Variants in NRIP1 observed in about 807,000 individuals in gnomAD.
The protein encoded by NRIP1 is nuclear receptor-interacting protein 1.
In NRIP1, 28 loss-of-function variants were observed where a neutral mutation model predicts 75.0. That is an observed-to-expected ratio of 0.37 (90% CI 0.28 to 0.51). NRIP1 has a LOEUF of 0.51. Ranked by LOEUF, NRIP1 falls within the 20% of genes least tolerant of loss-of-function variation. The pLI is 0.92. For synonymous variants in NRIP1, 526 were observed against 487.6 expected (o/e 1.08, Z -1.04); for missense variants, 1,435 against 1,343.7 (o/e 1.07, Z -1.06).
intron 3 of NRIP1, chr21:14,992,498 A>T (rs1026465310): frequency 6.6e-6 from 1 of 152,230 alleles, no homozygotes; most frequent in Non-Finnish European, 1.5e-5. Context: ...ATGCTATTCA[A>T]GCTTTTAAAA....
At chr21:15,036,291 G>T (rs2088831417) in intron 2 of NRIP1, among the ~76,000 whole-genome samples, 1 of 152,016 alleles carries the variant, frequency 6.6e-6, no homozygotes, top group Admixed American at 6.6e-5. Context: ...TTGCCAAAAG[G>T]GTATCCCAAT....
chr21:15,018,514 A>C (rs568100319), intron 2 of NRIP1, among the ~76,000 whole-genome samples: 1 of 152,346 alleles, frequency 6.6e-6, no homozygotes, highest in Non-Finnish European at 1.5e-5. Flanking sequence ...ACAAAGAATA[A>C]AGTGAAGAGA....
intron 2 of NRIP1, among the ~76,000 whole-genome samples, chr21:15,037,985 G>T (rs1261981251): frequency 1.3e-5 from 2 of 152,074 alleles, no homozygotes; most frequent in Non-Finnish European, 2.9e-5. Context: ...TTTGGAAAAT[G>T]GCAGTGGAAA....
chr21:15,007,300 G>A (rs144899940), intron 3 of NRIP1, among the ~76,000 whole-genome samples: 3 of 152,312 alleles, frequency 2.0e-5, no homozygotes, highest in Admixed American at 2.0e-4. Flanking sequence ...TAAGGCAAAG[G>A]CAGGAGAGTT....
At position 15,026,666 on chromosome 21, in the gene NRIP1, AAAAAC is replaced by A. The variant is rs761713950; in HGVS notation, c.-457-12205_-457-12201del. ...GTAAGTATATCAACATAGGTATATC[AAAAAC>A]AAAACAAAACAAAACAATAACAAAC... On this transcript the variant is annotated intron_variant, in intron 2 of 3. Transcript: ENST00000318948. 2.8e-4 allele frequency among the ~76,000 whole-genome samples: 42 copies of A among 152,274 alleles called. No homozygotes were observed. The East Asian group carries it at 3.5e-3, about 13-fold the overall frequency.
At chr21:15,029,019 T>C (rs375194312) in intron 2 of NRIP1, among the ~76,000 whole-genome samples, 29 of 152,076 alleles carry the variant, frequency 1.9e-4, no homozygotes, top group African/African-American at 6.0e-4. Context: ...CACACCCACA[T>C]ACAATCTTTT....
intron 2 of NRIP1, among the ~76,000 whole-genome samples, chr21:15,026,764 A>G (rs536182745): frequency 3.3e-4 from 51 of 152,252 alleles, no homozygotes; most frequent in African/African-American, 1.2e-3. Flanking sequence ...ACACAATGGA[A>G]TATTGCCCAG....
At position 14,982,708 on chromosome 21, in the gene NRIP1, GT is replaced by G. The variant is rs200186916; in HGVS notation, c.-334-14183del. Among the ~76,000 whole-genome samples, 82 of 85,674 alleles carry G rather than the reference GT, an allele frequency of 9.6e-4. 1 individual carries two copies. Among genetic ancestry groups the G allele is most frequent in the Middle Eastern group, 6.3e-3 (1 of 158 alleles). The allele number at this position is 85,674 out of a possible 152,430, so 56.2% of individuals were successfully genotyped here. On this transcript the variant is annotated intron_variant, in intron 3 of 3. Coordinates refer to ENST00000318948, the MANE Select transcript of NRIP1 (RefSeq NM_003489.4). ...TGCCATTATTGTGGGGTTTTTTTTT[GT>G]TTTTTTTTTGTTTTTTTTTTTTACA...
At chr21:15,009,219 A>G (rs973622429) in intron 3 of NRIP1, among the ~76,000 whole-genome samples, 2 of 152,230 alleles carry the variant, frequency 1.3e-5, no homozygotes, top group Non-Finnish European at 2.9e-5. Flanking sequence ...AACTTTCTAA[A>G]AAGATGAGTA....
chr21:15,064,353 G>A (rs1306801015), intron 1 of NRIP1, among the ~76,000 whole-genome samples: 1 of 152,246 alleles, frequency 6.6e-6, no homozygotes, highest in African/African-American at 2.4e-5. Flanking sequence ...CGGCTGGACA[G>A]CAGGACGGAG....
At chr21:14,982,698 GT>G (rs1161946340) in intron 3 of NRIP1, among the ~76,000 whole-genome samples, 5 of 76,326 alleles carry the variant, frequency 6.6e-5, no homozygotes, top group African/African-American at 1.2e-4. Flanking sequence ...TTATTGTGGG[GT>G]TTTTTTTTGT....
At chr21:15,029,754 T>C (rs2088599802) in intron 2 of NRIP1, among the ~76,000 whole-genome samples, 1 of 152,126 alleles carries the variant, frequency 6.6e-6, no homozygotes, top group African/African-American at 2.4e-5. Context: ...AGTTTGAGGC[T>C]GTGGTGAGCT....
At chr21:14,982,025 G>C (rs2087250324) in intron 3 of NRIP1, among the ~76,000 whole-genome samples, 1 of 151,802 alleles carries the variant, frequency 6.6e-6, no homozygotes, top group Non-Finnish European at 1.5e-5. Flanking sequence ...ACTAACTTTT[G>C]ATTTTTGTAG....
intron 1 of NRIP1, among the ~76,000 whole-genome samples, chr21:15,057,620 T>C (rs867919199): frequency 3.9e-4 from 60 of 152,244 alleles, no homozygotes; most frequent in South Asian, 1.9e-3. Context: ...GGCTACCAGG[T>C]TGGGAGCAAG....
intron 3 of NRIP1, among the ~76,000 whole-genome samples, chr21:14,994,702 A>G (rs1288272371): frequency 6.6e-6 from 1 of 152,214 alleles, no homozygotes; most frequent in Non-Finnish European, 1.5e-5. Context: ...TACCTTAAAA[A>G]AGTAGACAGC....
intron 1 of NRIP1, among the ~76,000 whole-genome samples, chr21:15,045,544 G>GC (rs2089054081): frequency 6.6e-6 from 1 of 152,186 alleles, no homozygotes; most frequent in Admixed American, 6.5e-5. Context: ...TGGGCACCTT[G>GC]CCTCCATATT....
intron 2 of NRIP1, among the ~76,000 whole-genome samples, chr21:15,037,575 G>C (rs1223985647): frequency 6.6e-6 from 1 of 152,156 alleles, no homozygotes; most frequent in African/African-American, 2.4e-5. Flanking sequence ...CTAGGAGAAA[G>C]TAGATGGGAG....
rs1164132863 is a variant in NRIP1, at chr21:14,961,454, C to A, written c.*3262G>T. 6.6e-6 allele frequency: 1 copy of A among 152,230 alleles called. No homozygotes were observed. The highest frequency in any genetic ancestry group is 1.5e-5 in the Non-Finnish European group (1 of 67,840). The allele number at this position is 152,230 out of a possible 1,614,324, so 9.4% of individuals were successfully genotyped here. On this transcript the variant is annotated 3_prime_UTR_variant, in exon 4 of 4. Coordinates refer to ENST00000318948, the MANE Select transcript of NRIP1 (RefSeq NM_003489.4). ...AATTCTTACTATGAATGGTAATGTG[C>A]CTATATTCCAGTATTGCTAATACTG...
intron 2 of NRIP1, among the ~76,000 whole-genome samples, chr21:15,022,376 G>A (rs796950156): frequency 1.3e-5 from 2 of 152,292 alleles, no homozygotes; most frequent in African/African-American, 4.8e-5. Context: ...TACACACTGG[G>A]CCTGTTGGGT....
Sources: allele counts gnomAD v4.1 joint callset (sites outside exome capture counted in the v4.1 genomes callset), GRCh38; gene constraint gnomAD v4.1.1; transcripts MANE v1.5; gene names NCBI Gene and HGNC (gene_info 2026-07-23, HGNC 2026-07-21).